Variants in CAPS2 observed in about 807,000 individuals in gnomAD.
The protein encoded by CAPS2 is calcyphosine 2, also known as calcyphosin-2.
In CAPS2, 98 loss-of-function variants were observed where a neutral mutation model predicts 86.5. The observed-to-expected ratio is 1.13, with a 90% CI of 0.96 to 1.34. The LOEUF (loss-of-function observed/expected upper bound fraction) is 1.34, where lower values mean the gene tolerates loss of function less well. CAPS2 is among the 40% of genes most tolerant of loss of function. The pLI is 0.00. For missense variants in CAPS2, 729 were observed against 686.8 expected (o/e 1.06, Z -0.69); for synonymous variants, 210 against 225.1 (o/e 0.93, Z 0.60).
At chr12:75,351,890 T>C (rs755462375) in intron 1 of CAPS2, among the ~76,000 whole-genome samples, 52 of 152,196 alleles carry the variant, frequency 3.4e-4, no homozygotes, top group Non-Finnish European at 5.3e-4. Context: ...GTCTAGAATT[T>C]CATATCCAGC....
At chr12:75,347,379 T>C (rs1417347207) in intron 1 of CAPS2, among the ~76,000 whole-genome samples, 1 of 152,252 alleles carries the variant, frequency 6.6e-6, no homozygotes, top group East Asian at 1.9e-4. Flanking sequence ...TTATATATTA[T>C]ATTATCCTTT....
upstream of CAPS2, among the ~76,000 whole-genome samples, chr12:75,328,523 T>C (rs988785998): frequency 1.3e-5 from 2 of 152,294 alleles, no homozygotes; most frequent in Non-Finnish European, 2.9e-5. Context: ...ACCAAGAAGG[T>C]TGGCGTCTCC....
chr12:75,278,278 A>T, exon 17 of CAPS2: 1 of 981,072 alleles, frequency 1.0e-6, no homozygotes, highest in Non-Finnish European at 1.2e-6. Flanking sequence ...AAGACAAGTC[A>T]GTATTTAAAT....
Position 75,282,360 on chromosome 12 carries a change from A to G in CAPS2, c.1516-13T>C, listed in dbSNP as rs370297566. On this transcript the variant is annotated splice_polypyrimidine_tract_variant and intron_variant, in intron 15 of 16. Transcript: ENST00000393284. ...GTTTCATAAAGGCCTAAACAGACAA[A>G]TATTATTATTATTAGTTTGTTGGTT... 2.7e-6 allele frequency: 4 copies of G among 1,487,940 alleles called. No homozygotes were observed. Among genetic ancestry groups the G allele is most frequent in the African/African-American group, 2.8e-5 (2 of 72,194 alleles). The allele number at this position is 1,487,940 out of a possible 1,614,324, so 92.2% of individuals were successfully genotyped here.
intron 1 of CAPS2, among the ~76,000 whole-genome samples, chr12:75,350,954 A>ATT (rs2042769766): frequency 6.6e-6 from 1 of 152,196 alleles, no homozygotes; most frequent in African/African-American, 2.4e-5. Context: ...ACCATGATAA[A>ATT]ATATTACAGG....
intron 15 of CAPS2, among the ~76,000 whole-genome samples, chr12:75,284,018 T>C (rs1003800457): frequency 5.3e-5 from 8 of 152,144 alleles, no homozygotes; most frequent in Non-Finnish European, 8.8e-5. Flanking sequence ...TAGTCTGTGG[T>C]ATTTTGTTAT....
chr12:75,382,065 G>T (rs1037602626), intron 1 of CAPS2, among the ~76,000 whole-genome samples: 4 of 152,040 alleles, frequency 2.6e-5, no homozygotes, highest in African/African-American at 9.7e-5. Flanking sequence ...GGATCATTTT[G>T]CTTTTCTCCT....
At chr12:75,284,000 C>T (rs1462430452) in intron 15 of CAPS2, among the ~76,000 whole-genome samples, 1 of 152,106 alleles carries the variant, frequency 6.6e-6, no homozygotes. Flanking sequence ...TCTATTATTT[C>T]AGTCATCTAG....
At chr12:75,315,575 T>C (rs149689265) in intron 6 of CAPS2, among the ~76,000 whole-genome samples, 59 of 152,310 alleles carry the variant, frequency 3.9e-4, no homozygotes, top group African/African-American at 1.3e-3. Flanking sequence ...AAAATATATA[T>C]TGAATTGCCA....
chr12:75,366,751 A>G (rs750513854), intron 1 of CAPS2: 37 of 626,990 alleles, frequency 5.9e-5, no homozygotes, highest in Non-Finnish European at 2.6e-5. Context: ...TTTACCAATG[A>G]GTCATTTCCA....
intron 1 of CAPS2, among the ~76,000 whole-genome samples, chr12:75,381,043 G>T (rs560823924): frequency 6.6e-6 from 1 of 152,180 alleles, no homozygotes; most frequent in South Asian, 2.1e-4. Flanking sequence ...GACTGATATG[G>T]TCTGGCTGTG....
chr12:75,304,991 G>T, intron 7 of CAPS2, 115 bp from the exon 8 acceptor site: 1 of 666,378 alleles, frequency 1.5e-6, no homozygotes, highest in Non-Finnish European at 2.3e-6. Flanking sequence ...TTACAACACT[G>T]TCAGAATATT....
chr12:75,299,707 T>C (rs2037490752), intron 9 of CAPS2, 130 bp downstream of exon 9: 1 of 442,462 alleles, frequency 2.3e-6, no homozygotes, highest in African/African-American at 2.1e-5. Context: ...TTTAAAATGT[T>C]TGTTCTAAAT....
intron 1 of CAPS2, chr12:75,347,647 T>C (rs2139396567): frequency 1.2e-6 from 2 of 1,609,624 alleles, no homozygotes; most frequent in East Asian, 4.5e-5. Context: ...TCATTTTATG[T>C]CGGTTGTGCA....
At chr12:75,345,332 C>G (rs949460858) in intron 1 of CAPS2, among the ~76,000 whole-genome samples, 2 of 151,996 alleles carry the variant, frequency 1.3e-5, no homozygotes, top group African/African-American at 4.8e-5. Context: ...CCATTACTTC[C>G]TATAATTTTC....
At chr12:75,302,837 T>C (rs1158679445) in intron 8 of CAPS2, among the ~76,000 whole-genome samples, 1 of 152,146 alleles carries the variant, frequency 6.6e-6, no homozygotes. Context: ...TACACATCCA[T>C]AAGAAGAACT....
intron 15 of CAPS2, among the ~76,000 whole-genome samples, chr12:75,283,065 T>G (rs1298651885): frequency 6.6e-6 from 1 of 152,194 alleles, no homozygotes; most frequent in African/African-American, 2.4e-5. Flanking sequence ...AGAAGTGAAT[T>G]TGCAAATATT....
At chr12:75,359,401 A>G (rs2043410534) in intron 1 of CAPS2, among the ~76,000 whole-genome samples, 1 of 71,142 alleles carries the variant, frequency 1.4e-5, no homozygotes, top group Non-Finnish European at 2.6e-5. Context: ...GAATTGATCT[A>G]TGAATTCAAG....
upstream of CAPS2, among the ~76,000 whole-genome samples, chr12:75,333,133 T>G (rs11180465): frequency 0.32 from 48,120 of 152,018 alleles, 8,465 homozygotes; most frequent in East Asian, 0.45. Flanking sequence ...CCCACTGTAA[T>G]GTGAGCCAAT....
Sources: allele counts gnomAD v4.1 joint callset (sites outside exome capture counted in the v4.1 genomes callset), GRCh38; gene constraint gnomAD v4.1.1; transcripts MANE v1.5; gene names NCBI Gene and HGNC (gene_info 2026-07-23, HGNC 2026-07-21).